CDH23: variants seen among roughly 807,000 people sequenced by gnomAD.
CDH23 encodes the protein cadherin-23.
Under a neutral mutation model 317.1 loss-of-function variants are expected in CDH23, and 189 were observed. That is an observed-to-expected ratio of 0.60 (90% CI 0.53 to 0.67). The LOEUF (loss-of-function observed/expected upper bound fraction) is 0.67. CDH23 is among the 30% of genes least tolerant of loss of function. The probability of loss-of-function intolerance (pLI) is 0.00; values close to 1 mark genes in which losing one functional copy is unlikely to be tolerated. For synonymous variants in CDH23, 1,839 were observed against 1,876.8 expected (o/e 0.98, Z 0.52); for missense variants, 4,401 against 4,592.4 (o/e 0.96, Z 1.20).
chr10:71,465,993 G>A lies in CDH23; in HGVS notation c.145+19598G>A, dbSNP rs368910781. Among the ~76,000 whole-genome samples, 14 of 152,288 alleles carry A rather than the reference G, an allele frequency of 9.2e-5. No individual in the cohort carries two copies. The East Asian group carries it at 1.2e-3, about 13-fold the overall frequency. On this transcript the variant is annotated intron_variant, in intron 3 of 69. Transcript: ENST00000224721. ...CTCAAAAGAGCCTGTGCGTCACCCC[G>A]GCCTGTGCTGGGCGGCTCTTGCTGC...
At chr10:71,508,186 A>G (rs1262478363) in intron 3 of CDH23, 3 of 152,244 alleles carry the variant, frequency 2.0e-5, no homozygotes, top group Non-Finnish European at 4.4e-5. Flanking sequence ...GAGAATCCAC[A>G]TGAATGGACC....
intron 68 of CDH23, 130 bp downstream of exon 68, chr10:71,813,020 C>T (rs2133008928): frequency 7.0e-7 from 1 of 1,433,612 alleles, no homozygotes; most frequent in African/African-American, 1.4e-5. Context: ...AACACCAGGG[C>T]TGATGGGGGG....
At chr10:71,673,453 A>G (rs1265998844) in intron 14 of CDH23, among the ~76,000 whole-genome samples, 1 of 152,210 alleles carries the variant, frequency 6.6e-6, no homozygotes, top group Non-Finnish European at 1.5e-5. Context: ...GGGGGTGGGA[A>G]GGACTCTGGG....
At chr10:71,730,330 A>G (rs117494238) in intron 30 of CDH23, 139 bp from the exon 31 acceptor site, 31,476 of 1,049,490 alleles carry the variant, frequency 0.03, 812 homozygotes, top group East Asian at 0.1. Context: ...GACCCACCAG[A>G]CAGGCCTGGG....
intron 6 of CDH23, among the ~76,000 whole-genome samples, chr10:71,549,457 T>C (rs531577779): frequency 6.2e-4 from 95 of 152,362 alleles, no homozygotes; most frequent in Non-Finnish European, 1.2e-3. Context: ...TGAACTGCTC[T>C]GGGGCATCCC....
At chr10:71,655,549 A>C (rs1863380902) in intron 14 of CDH23, among the ~76,000 whole-genome samples, 1 of 152,022 alleles carries the variant, frequency 6.6e-6, no homozygotes, top group Non-Finnish European at 1.5e-5. Context: ...GGGCCCCAGC[A>C]TGCTGTGTGC....
At chr10:71,696,659 C>A (rs1230943253) in intron 22 of CDH23, among the ~76,000 whole-genome samples, 1 of 152,244 alleles carries the variant, frequency 6.6e-6, no homozygotes, top group Non-Finnish European at 1.5e-5. Flanking sequence ...CAATCCTTCC[C>A]TCCCTCTTTG....
At chr10:71,521,161 T>A (rs527278499) in intron 6 of CDH23, among the ~76,000 whole-genome samples, 7 of 151,336 alleles carry the variant, frequency 4.6e-5, no homozygotes, top group Non-Finnish European at 1.0e-4. Context: ...GCATAATCAC[T>A]AGATACAATG....
At chr10:71,422,335 C>T (rs1302133214) in intron 1 of CDH23, among the ~76,000 whole-genome samples, 1 of 152,206 alleles carries the variant, frequency 6.6e-6, no homozygotes, top group Admixed American at 6.5e-5. Context: ...CGAATTCTGC[C>T]ATTGTCACTT....
chr10:71,549,420 A>G (rs892571116), intron 6 of CDH23, among the ~76,000 whole-genome samples: 12 of 152,242 alleles, frequency 7.9e-5, no homozygotes, highest in African/African-American at 2.9e-4. Flanking sequence ...GAGAGGGGTC[A>G]TCTACTGGAT....
At position 71,724,027 on chromosome 10, in the gene CDH23, T is replaced by C. The variant is rs1214440276; in HGVS notation, c.3370-18T>C. On this transcript the variant is annotated intron_variant, in intron 28 of 69. Coordinates refer to ENST00000224721, the MANE Select transcript of CDH23 (RefSeq NM_022124.6). ...TGGGTGGCATTCAAGAAGTAACTCGTGTCTCATTCTTCCTCAGCTGAAAGC... is the reference window on the plus strand; with the variant it reads ...TGGGTGGCATTCAAGAAGTAACTCGCGTCTCATTCTTCCTCAGCTGAAAGC... 1.3e-6 allele frequency: 2 copies of C among 1,554,536 alleles called. No homozygotes were observed. Among genetic ancestry groups the C allele is most frequent in the Non-Finnish European group, 1.7e-6 (2 of 1,148,482 alleles).
At chr10:71,756,126 T>A (rs1282463654) in intron 38 of CDH23, among the ~76,000 whole-genome samples, 1 of 152,086 alleles carries the variant, frequency 6.6e-6, no homozygotes, top group African/African-American at 2.4e-5. Flanking sequence ...TGTACAATGT[T>A]TTTCAATTTT....
intron 3 of CDH23, among the ~76,000 whole-genome samples, chr10:71,453,645 G>A (rs1213854136): frequency 6.6e-6 from 1 of 152,250 alleles, no homozygotes; most frequent in Non-Finnish European, 1.5e-5. Context: ...CTTTAAAGAG[G>A]AGAAGCATCT....
intron 9 of CDH23, among the ~76,000 whole-genome samples, chr10:71,599,254 G>T (rs1860059282): frequency 6.6e-6 from 1 of 152,026 alleles, no homozygotes; most frequent in Admixed American, 6.5e-5. Context: ...AGCTATTGTT[G>T]AAGGCACCTT....
chr10:71,731,181 G>T (rs745537414), intron 31 of CDH23, among the ~76,000 whole-genome samples: 5 of 152,230 alleles, frequency 3.3e-5, no homozygotes, highest in Admixed American at 6.5e-5. Context: ...CCTCCGTGCG[G>T]CCTGGGCTGT....
chr10:71,785,479 G>A (rs3802709), intron 43 of CDH23, among the ~76,000 whole-genome samples, 152 bp from the exon 44 acceptor site: 1 of 151,974 alleles, frequency 6.6e-6, no homozygotes, highest in East Asian at 1.9e-4. Flanking sequence ...GGTCACTCTC[G>A]CCCCGGCGAG....
chr10:71,566,954 G>A lies in CDH23; in HGVS notation c.624+18G>A. ...ACGCCACAGTGAGTCTCCATGCTGG[G>A]GCCCCGGCCGTCCCAGCTGCCTCTT... is the stretch of plus-strand genomic sequence containing the variant. On this transcript the variant is annotated intron_variant, in intron 7 of 69. Transcript: ENST00000224721. 6.2e-7 allele frequency: 1 copy of A among 1,606,100 alleles called. No individual in the cohort carries two copies. Among genetic ancestry groups the A allele is most frequent in the East Asian group, 2.2e-5 (1 of 44,788 alleles).
At chr10:71,641,988 C>G (rs12253935) in intron 11 of CDH23, among the ~76,000 whole-genome samples, 1 of 151,902 alleles carries the variant, frequency 6.6e-6, no homozygotes, top group African/African-American at 2.4e-5. Context: ...CCCAACTACT[C>G]GGGAGCCTGA....
At position 71,793,274 on chromosome 10, in the gene CDH23, T is replaced by C; in HGVS notation, c.6346T>C (p.Phe2116Leu). The C allele has an allele frequency of 1.9e-6, 3 of 1,613,994 alleles. No individual in the cohort carries two copies. The highest frequency in any genetic ancestry group is 2.5e-6 in the Non-Finnish European group (3 of 1,179,890). The change falls in exon 48 of 70, where the codon TTC becomes CTC. Residue 2116 changes from phenylalanine to leucine, a missense_variant. Phe to Leu is a conservative substitution (Grantham distance 22). Coordinates refer to ENST00000224721, the MANE Select transcript of CDH23 (RefSeq NM_022124.6). ...AATAGAAGCTGGGGCTCAGGACCGC[T>C]TCCTCATTCATCTGGTCACCGGGGT... ...YRIEAGAQDR[F>L]LIHLVTGVIR...
Sources: allele counts gnomAD v4.1 joint callset (sites outside exome capture counted in the v4.1 genomes callset), GRCh38; gene constraint gnomAD v4.1.1; transcripts MANE v1.5; gene names NCBI Gene and HGNC (gene_info 2026-07-23, HGNC 2026-07-21).